The following RAB11FIP3 variants were observed in gnomAD, a reference collection of about 807,000 sequenced individuals.
RAB11FIP3 encodes the protein RAB11 family interacting protein 3.
In RAB11FIP3, 17 loss-of-function variants were observed where a neutral mutation model predicts 77.8. The ratio of observed to expected loss-of-function variants is 0.22; its 90% CI spans 0.15 to 0.33. RAB11FIP3 has a LOEUF of 0.33. RAB11FIP3 is among the 10% of genes least tolerant of loss of function. The pLI, the probability that RAB11FIP3 is intolerant of heterozygous loss-of-function variation, is 1.00. For missense variants in RAB11FIP3, 1,005 were observed against 1,011.2 expected, an observed-to-expected ratio of 0.99 and a Z score of 0.08; for synonymous variants, 437 against 448.2, an observed-to-expected ratio of 0.98 and a Z score of 0.31.
At chr16:465,921 C>G (rs1448218338) in intron 2 of RAB11FIP3, among the ~76,000 whole-genome samples, 1 of 152,158 alleles carries the variant, frequency 6.6e-6, no homozygotes, top group Non-Finnish European at 1.5e-5. Context: ...GGTTCATTTT[C>G]TAGTGACAGG....
At chr16:495,248 C>T (rs995351756) in intron 5 of RAB11FIP3, among the ~76,000 whole-genome samples, 2 of 151,940 alleles carry the variant, frequency 1.3e-5, no homozygotes, top group Admixed American at 6.5e-5. Flanking sequence ...GGACAGCAGG[C>T]ACAGGAGCAG....
rs902584884 is a variant in RAB11FIP3 at position 514,320 on chromosome 16, A to C, written c.1640+3520A>C. On this transcript the variant is annotated intron_variant, in intron 9 of 13. Coordinates refer to ENST00000262305, the MANE Select transcript of RAB11FIP3 (RefSeq NM_014700.4). The surrounding 1 kb of genome is among the most constrained non-coding windows in gnomAD (Gnocchi z 4.6). ...GACTTCCCCAGCCTGGCCTCTGCCC[A>C]TCTGGTGTACAGGAAGACCCTGGTC... Among the ~76,000 whole-genome samples, 2 of 151,722 alleles carry C rather than the reference A, an allele frequency of 1.3e-5. No individual in the cohort carries two copies. Among genetic ancestry groups the C allele is most frequent in the Non-Finnish European group, 2.9e-5 (2 of 68,026 alleles).
chr16:502,189 G>C (rs757621776), intron 6 of RAB11FIP3, among the ~76,000 whole-genome samples: 8 of 152,232 alleles, frequency 5.3e-5, no homozygotes, highest in Non-Finnish European at 1.2e-4. Context: ...GGCAAGTTTG[G>C]GTTGGTACAG....
intron 9 of RAB11FIP3, among the ~76,000 whole-genome samples, chr16:515,520 C>T (rs1045486052): frequency 4.0e-5 from 6 of 151,264 alleles, no homozygotes; most frequent in Non-Finnish European, 8.8e-5. Context: ...AGCAGCCACA[C>T]GGGCGACACG....
chr16:464,606 C>A (rs914975756), intron 2 of RAB11FIP3, among the ~76,000 whole-genome samples: 5 of 152,144 alleles, frequency 3.3e-5, no homozygotes, highest in African/African-American at 1.2e-4. Context: ...TTTGAAAAAT[C>A]CATTATGGGC....
chr16:513,321 A>G (rs1262624233), intron 9 of RAB11FIP3, among the ~76,000 whole-genome samples: 1 of 152,132 alleles, frequency 6.6e-6, no homozygotes, highest in Non-Finnish European at 1.5e-5. Context: ...CCCGGGCTCA[A>G]GCAATCCTCC....
chr16:498,383 C>T (rs2031294664), intron 6 of RAB11FIP3, among the ~76,000 whole-genome samples: 1 of 152,156 alleles, frequency 6.6e-6, no homozygotes, highest in Admixed American at 6.5e-5. Context: ...CTACGTTGCC[C>T]AGACTGATCT....
intron 4 of RAB11FIP3, among the ~76,000 whole-genome samples, chr16:483,143 G>C (rs1313066203): frequency 1.3e-5 from 2 of 152,172 alleles, no homozygotes; most frequent in African/African-American, 2.4e-5. Flanking sequence ...TTTCGAGCTA[G>C]TTGGGGCCGG....
At chr16:503,481 C>T (rs572909455) in intron 7 of RAB11FIP3, among the ~76,000 whole-genome samples, 9 of 152,242 alleles carry the variant, frequency 5.9e-5, no homozygotes, top group African/African-American at 2.2e-4. Flanking sequence ...AAAGGGCTGG[C>T]CCTGCAGTTA....
At chr16:468,238 G>A (rs1441656356) in intron 2 of RAB11FIP3, among the ~76,000 whole-genome samples, 1,411 of 111,364 alleles carry the variant, frequency 0.013, no homozygotes, top group Middle Eastern at 0.017. Context: ...CAGGGAGGAG[G>A]TGCTGGGGCG....
chr16:450,195 G>A (rs1280945692), intron 1 of RAB11FIP3, among the ~76,000 whole-genome samples: 1 of 151,674 alleles, frequency 6.6e-6, no homozygotes, highest in Non-Finnish European at 1.5e-5. Flanking sequence ...CTTGAGACAG[G>A]GTCTCACTCT....
At chr16:442,664 C>T (rs565860595) in intron 1 of RAB11FIP3, among the ~76,000 whole-genome samples, 1 of 152,088 alleles carries the variant, frequency 6.6e-6, no homozygotes, top group Admixed American at 6.6e-5. Context: ...CTGAGTCGTC[C>T]CAAAGCACAG....
At chr16:430,309 T>C (rs906269321) in intron 1 of RAB11FIP3, among the ~76,000 whole-genome samples, 2 of 152,168 alleles carry the variant, frequency 1.3e-5, no homozygotes, top group African/African-American at 4.8e-5. Flanking sequence ...AATTTTGTTT[T>C]GTTTTTAAAG....
At chr16:502,646 T>C (rs1021455495) in intron 6 of RAB11FIP3, 5 of 321,394 alleles carry the variant, frequency 1.6e-5, no homozygotes, top group Admixed American at 5.5e-5. Flanking sequence ...GAGACGAGAT[T>C]GTTCGTGTCT....
At chr16:443,659 A>G (rs2055262536) in intron 1 of RAB11FIP3, among the ~76,000 whole-genome samples, 1 of 152,094 alleles carries the variant, frequency 6.6e-6, no homozygotes, top group Non-Finnish European at 1.5e-5. Flanking sequence ...TCTGCCTCCC[A>G]GGTTCAAGCG....
chr16:482,909 G>A (rs953141930), intron 4 of RAB11FIP3, among the ~76,000 whole-genome samples, 173 bp downstream of exon 4: 25 of 152,320 alleles, frequency 1.6e-4, no homozygotes, highest in Admixed American at 9.8e-4. Context: ...AGCCCACACC[G>A]TCCTGCCCGC....
At chr16:489,360 G>C (rs1168174462) in intron 5 of RAB11FIP3, among the ~76,000 whole-genome samples, 1 of 152,338 alleles carries the variant, frequency 6.6e-6, no homozygotes, top group Non-Finnish European at 1.5e-5. Context: ...TGAGTCTTCA[G>C]ATTCATTTCC....
At chr16:508,978 A>C (rs2032005198) in intron 8 of RAB11FIP3, among the ~76,000 whole-genome samples, 1 of 149,080 alleles carries the variant, frequency 6.7e-6, no homozygotes, top group Non-Finnish European at 1.5e-5. Context: ...ATCTCTGCTC[A>C]GTGCAACCTC....
chr16:443,298 A>G (rs1485252744), intron 1 of RAB11FIP3, among the ~76,000 whole-genome samples: 1 of 152,240 alleles, frequency 6.6e-6, no homozygotes. Flanking sequence ...CAAGAAGCTT[A>G]GAAGGAAAAC....
Sources: gnomAD v4.1 joint callset for allele counts (sites outside exome capture counted in the v4.1 genomes callset) on GRCh38, gnomAD v4.1.1 for gene constraint, Gnocchi (gnomAD v3.1) non-coding constraint, MANE v1.5 for transcripts, NCBI Gene and HGNC (gene_info 2026-07-23, HGNC 2026-07-21) for gene names.